Variants in GRID2 observed in about 807,000 individuals in gnomAD.
GRID2 encodes glutamate receptor ionotropic, delta-2.
A neutral mutation model predicts 114.8 loss-of-function variants in GRID2; 33 were observed. The observed-to-expected ratio is 0.29, with a 90% CI of 0.22 to 0.38. The LOEUF (loss-of-function observed/expected upper bound fraction) is 0.38. Among genes scored for constraint, GRID2 ranks in the 10% least tolerant of loss-of-function variants. The pLI, the probability that GRID2 is intolerant of heterozygous loss-of-function variation, is 1.00. For missense variants in GRID2, 1,184 were observed against 1,257.7 expected (o/e 0.94, Z 0.89); for synonymous variants, 505 against 449.9 (o/e 1.12, Z -1.55).
At chr4:93,487,215 A>T (rs1726502667) in intron 11 of GRID2, among the ~76,000 whole-genome samples, 1 of 151,800 alleles carries the variant, frequency 6.6e-6, no homozygotes, top group African/African-American at 2.4e-5. Flanking sequence ...TCAACAGCTT[A>T]TTTTGGTCTT....
chr4:92,939,066 T>G (rs1387860368), intron 2 of GRID2, among the ~76,000 whole-genome samples: 1 of 147,286 alleles, frequency 6.8e-6, no homozygotes, highest in African/African-American at 2.4e-5. Context: ...TTATAATCTT[T>G]TGGGGATATA....
chr4:93,801,138 T>C (rs1734919658), intron 1 of GRID2, among the ~76,000 whole-genome samples: 1 of 152,150 alleles, frequency 6.6e-6, no homozygotes, highest in Non-Finnish European at 1.5e-5. Flanking sequence ...GTGAACTCAA[T>C]TGTTTATATG....
At chr4:93,779,111 A>T (rs547186440), downstream of GRID2, among the ~76,000 whole-genome samples, 1 of 152,206 alleles carries the variant, frequency 6.6e-6, no homozygotes, top group East Asian at 1.9e-4. Flanking sequence ...CAATGGCTCA[A>T]TCACCAATCA....
At chr4:92,599,028 C>CTTTT (rs79836874) in intron 2 of GRID2, among the ~76,000 whole-genome samples, 30 of 115,268 alleles carry the variant, frequency 2.6e-4, no homozygotes, top group African/African-American at 9.5e-4. Flanking sequence ...AATGCTTTTC[C>CTTTT]TTTTTTTTTT....
At chr4:93,581,123 G>A in intron 13 of GRID2, among the ~76,000 whole-genome samples, 1 of 123,394 alleles carries the variant, frequency 8.1e-6, no homozygotes, top group Admixed American at 1.1e-4. Flanking sequence ...AGCCCCCCGT[G>A]TGTAGTGTTC....
intron 1 of GRID2, among the ~76,000 whole-genome samples, chr4:92,384,433 AATAT>A (rs372161362): frequency 0.022 from 647 of 30,088 alleles, 9 homozygotes; most frequent in African/African-American, 0.036. Context: ...TGTGTGTAGG[AATAT>A]ATATATATAT....
At chr4:92,627,127 A>G (rs1025862407) in intron 2 of GRID2, among the ~76,000 whole-genome samples, 1 of 152,088 alleles carries the variant, frequency 6.6e-6, no homozygotes, top group Admixed American at 6.6e-5. Context: ...AACATACTTT[A>G]AAAATTAGAT....
chr4:93,450,742 A>G (rs949539921), intron 10 of GRID2, among the ~76,000 whole-genome samples: 3 of 151,798 alleles, frequency 2.0e-5, no homozygotes, highest in Non-Finnish European at 4.4e-5. Context: ...TTTATATTCC[A>G]GTTTTAGTGC....
chr4:93,650,897 A>C (rs771566901), intron 14 of GRID2, among the ~76,000 whole-genome samples: 2 of 128,556 alleles, frequency 1.6e-5, no homozygotes, highest in Non-Finnish European at 3.2e-5. Flanking sequence ...AAAATATTTT[A>C]TATACATACT....
At chr4:93,675,357 C>G (rs1724760791) in intron 14 of GRID2, among the ~76,000 whole-genome samples, 1 of 151,928 alleles carries the variant, frequency 6.6e-6, no homozygotes, top group Admixed American at 6.6e-5. Flanking sequence ...ATAATAGTAA[C>G]TTGTGAGTAG....
chr4:92,781,735 A>G (rs1739086734), intron 2 of GRID2, among the ~76,000 whole-genome samples: 1 of 152,054 alleles, frequency 6.6e-6, no homozygotes, highest in African/African-American at 2.4e-5. Flanking sequence ...TATTCTATAT[A>G]TTGATCATAG....
At chr4:92,899,841 T>A (rs1332136662) in intron 2 of GRID2, among the ~76,000 whole-genome samples, 1 of 152,152 alleles carries the variant, frequency 6.6e-6, no homozygotes, top group Non-Finnish European at 1.5e-5. Context: ...TATAGCCTGA[T>A]GGAAGATGAA....
At chr4:92,382,934 G>T (rs139827365) in intron 1 of GRID2, among the ~76,000 whole-genome samples, 290 of 152,052 alleles carry the variant, frequency 1.9e-3, no homozygotes, top group South Asian at 3.3e-3. Flanking sequence ...TTGGGTCATG[G>T]TTCTGCAGGC....
Position 92,903,315 on chromosome 4 carries a change from G to A in GRID2, c.245-181680G>A, listed in dbSNP as rs533851124. On this transcript the variant is annotated intron_variant, in intron 2 of 15. Transcript: ENST00000282020. ...CAATGTGAACTCAGGCAGATACTATGTGGGTTCTTAGGTTTTTATAAAATT... is the reference window on the plus strand; with the variant it reads ...CAATGTGAACTCAGGCAGATACTATATGGGTTCTTAGGTTTTTATAAAATT... 5.6e-4 allele frequency among the ~76,000 whole-genome samples: 85 copies of A among 151,836 alleles called. 1 individual carries two copies. The highest frequency in any genetic ancestry group is 1.8e-3 in the African/African-American group (76 of 41,506).
intron 8 of GRID2, among the ~76,000 whole-genome samples, chr4:93,270,707 C>A (rs979998890): frequency 2.0e-5 from 3 of 152,154 alleles, no homozygotes; most frequent in African/African-American, 7.2e-5. Context: ...CGGCTCACTG[C>A]AACCTCTGTC....
chr4:93,050,100 G>A (rs1456825651), intron 2 of GRID2, among the ~76,000 whole-genome samples: 1 of 151,976 alleles, frequency 6.6e-6, no homozygotes, highest in African/African-American at 2.4e-5. Context: ...TGTGTTTATT[G>A]TTTTCTGAAA....
At chr4:92,352,722 G>A (rs1486016462) in intron 1 of GRID2, among the ~76,000 whole-genome samples, 1 of 151,930 alleles carries the variant, frequency 6.6e-6, no homozygotes, top group Non-Finnish European at 1.5e-5. Context: ...TAGGATAAAT[G>A]CCTATCTAAG....
chr4:93,379,503 G>A (rs1055100105), intron 8 of GRID2, among the ~76,000 whole-genome samples: 4 of 152,024 alleles, frequency 2.6e-5, no homozygotes, highest in African/African-American at 9.7e-5. Flanking sequence ...CTACCATTTA[G>A]CAGATTAAAA....
At chr4:92,856,294 A>C (rs1387206275) in intron 2 of GRID2, among the ~76,000 whole-genome samples, 1 of 151,954 alleles carries the variant, frequency 6.6e-6, no homozygotes. Context: ...TATACCCACT[A>C]TCTAATATCA....
Sources: gnomAD v4.1 joint callset for allele counts (sites outside exome capture counted in the v4.1 genomes callset) on GRCh38, gnomAD v4.1.1 for gene constraint, MANE v1.5 for transcripts, NCBI Gene and HGNC (gene_info 2026-07-23, HGNC 2026-07-21) for gene names.